Variants in LONRF3 observed in about 807,000 individuals in gnomAD.
LONRF3 encodes the protein LON peptidase N-terminal domain and ring finger 3.
A neutral mutation model predicts 51.7 loss-of-function variants in LONRF3; 19 were observed. That is an observed-to-expected ratio of 0.37 (90% confidence interval 0.26 to 0.54). The LOEUF (loss-of-function observed/expected upper bound fraction) is 0.54, where lower values mean the gene tolerates loss of function less well. Ranked by LOEUF, LONRF3 falls within the 20% of genes least tolerant of loss-of-function variation. The pLI is 0.86. For synonymous variants in LONRF3, 265 were observed against 257.8 expected (o/e 1.03, Z -0.27); for missense variants, 521 against 623.9 (o/e 0.84, Z 1.76).
chrX:119,006,398 CTTTTTTTTTTTT>C (rs1042593971), intron 6 of LONRF3, among the ~76,000 whole-genome samples, 163 bp downstream of exon 6: 3 of 86,742 alleles, frequency 3.5e-5, no homozygotes, highest in Admixed American at 1.3e-4. Context: ...CTCCTGTCTT[CTTTTTTTTTTTT>C]TTTTTTTTTG....
At chrX:119,010,519 T>A (rs919398325) in intron 7 of LONRF3, among the ~76,000 whole-genome samples, 4 of 111,056 alleles carry the variant, frequency 3.6e-5, no homozygotes, top group African/African-American at 1.3e-4. Context: ...TTGGAACTAC[T>A]CGGGGGATCT....
intron 5 of LONRF3, among the ~76,000 whole-genome samples, chrX:119,002,485 C>T (rs950873350): frequency 4.3e-4 from 48 of 111,870 alleles, no homozygotes; most frequent in African/African-American, 1.5e-3. Flanking sequence ...TATAATATCC[C>T]ATTATATGAA....
intron 1 of LONRF3, 59 bp downstream of exon 1, chrX:118,975,656 G>C (rs966559576): frequency 3.4e-6 from 3 of 871,760 alleles, no homozygotes; most frequent in Non-Finnish European, 3.0e-6. Context: ...GAGGGAGCGG[G>C]AGAACAAACC....
intron 9 of LONRF3, among the ~76,000 whole-genome samples, chrX:119,013,939 G>A (rs1402011111): frequency 1.8e-5 from 2 of 111,691 alleles, no homozygotes; most frequent in African/African-American, 6.5e-5. Context: ...CACTCAGGCC[G>A]GTTTGAATCT....
At chrX:118,984,372 C>T (rs1261984889) in intron 3 of LONRF3, among the ~76,000 whole-genome samples, 1 of 112,346 alleles carries the variant, frequency 8.9e-6, no homozygotes, top group Non-Finnish European at 1.9e-5. Context: ...TTTCCAGTTC[C>T]AGGATGAACA....
At chrX:119,001,483 C>A (rs1262284159) in intron 5 of LONRF3, among the ~76,000 whole-genome samples, 1 of 111,649 alleles carries the variant, frequency 9.0e-6, no homozygotes. Context: ...TCATAATTAC[C>A]ACCTCTTAAT....
rs371914349 is a variant in LONRF3 at position 119,017,529 on chromosome X, T to C, written c.2125-6T>C. 173 of 1,206,009 alleles carry C rather than the reference T, an allele frequency of 1.4e-4. No homozygotes were observed. The highest frequency in any genetic ancestry group is 1.8e-4 in the Non-Finnish European group (163 of 893,245). On this transcript the variant is annotated splice_region_variant and splice_polypyrimidine_tract_variant and intron_variant, in intron 10 of 10. Coordinates refer to ENST00000371628, the MANE Select transcript of LONRF3 (RefSeq NM_001031855.3). ...AGGATGACTCCATTGTGTTTCTCTG[T>C]TGCAGATGAACCCGAATGGCCCAGC...
chrX:119,007,459 T>G (rs936304932), intron 6 of LONRF3, among the ~76,000 whole-genome samples: 7 of 112,056 alleles, frequency 6.2e-5, no homozygotes, highest in Non-Finnish European at 1.1e-4. Flanking sequence ...CCACCTTTGT[T>G]TTTCAAGTGA....
intron 7 of LONRF3, among the ~76,000 whole-genome samples, chrX:119,011,175 G>A (rs1372769652): frequency 9.1e-6 from 1 of 110,257 alleles, no homozygotes; most frequent in Admixed American, 9.6e-5. Flanking sequence ...TAATGCATCA[G>A]TATCTCTGGT....
chrX:118,986,881 C>T, intron 3 of LONRF3: 1 of 1,123,050 alleles, frequency 8.9e-7, no homozygotes. Flanking sequence ...CACCTGGGCA[C>T]CTGTAGAAAC....
intron 5 of LONRF3, among the ~76,000 whole-genome samples, chrX:118,992,254 G>A (rs1356614623): frequency 2.7e-5 from 3 of 111,112 alleles, no homozygotes; most frequent in Non-Finnish European, 5.7e-5. Context: ...AAATACTCTG[G>A]GAGGCAAATA....
intron 1 of LONRF3, 79 bp from the exon 2 acceptor site, chrX:118,978,266 A>T: frequency 1.7e-6 from 1 of 596,592 alleles, no homozygotes; most frequent in Non-Finnish European, 2.8e-6. Context: ...CATTTGCTCA[A>T]GATCCATACT....
intron 1 of LONRF3, among the ~76,000 whole-genome samples, chrX:118,977,317 G>A (rs1461786120): frequency 9.0e-6 from 1 of 111,154 alleles, no homozygotes; most frequent in Non-Finnish European, 1.9e-5. Context: ...ATCCCCCAGG[G>A]GCCAGGAAAG....
rs1440178101 is a variant in LONRF3 at position 118,982,883 on chromosome X, G to A, written c.999G>A (p.Glu333=). 1 of 1,210,853 alleles carries A rather than the reference G, an allele frequency of 8.3e-7. No homozygotes were observed. The stretch of plus-strand genomic sequence containing the variant: ...GCAAGGTGGAGGAGGCACTAAGGGA[G>A]TTTCTCTACTGTGTATCCCTTGATG... The part of the protein sequence containing the change: ...TLGKVEEALR[E]FLYCVSLDGK... The change falls in exon 3 of 11, where the codon GAG becomes GAA. Residue 333 remains glutamate (E), a synonymous_variant. Coordinates refer to ENST00000371628, the MANE Select transcript of LONRF3 (RefSeq NM_001031855.3).
intron 3 of LONRF3, among the ~76,000 whole-genome samples, chrX:118,983,614 A>G (rs1227941179): frequency 8.9e-6 from 1 of 112,431 alleles, no homozygotes; most frequent in Non-Finnish European, 1.9e-5. Flanking sequence ...TCTTCAATTC[A>G]TGGACTTTGT....
chrX:118,986,246 T>C (rs895998111), intron 3 of LONRF3, among the ~76,000 whole-genome samples: 1 of 111,680 alleles, frequency 9.0e-6, no homozygotes, highest in African/African-American at 3.3e-5. Flanking sequence ...CGCCTAGTAC[T>C]TAAACTTAAC....
At chrX:118,987,640 C>A (rs1167461302) in intron 3 of LONRF3, among the ~76,000 whole-genome samples, 1 of 108,889 alleles carries the variant, frequency 9.2e-6, no homozygotes, top group Non-Finnish European at 1.9e-5. Context: ...TGGCTCACTG[C>A]CCCTGGGCCA....
chrX:118,992,730 A>G (rs1923518679), intron 5 of LONRF3, among the ~76,000 whole-genome samples: 1 of 111,559 alleles, frequency 9.0e-6, no homozygotes, highest in Admixed American at 9.5e-5. Flanking sequence ...AAAATAGAGC[A>G]TTAAACCACC....
Position 118,989,585 on chromosome X carries a change from A to T in LONRF3, c.1237A>T (p.Thr413Ser), listed in dbSNP as rs1413217925. 8.3e-7 allele frequency: 1 copy of T among 1,209,200 alleles called. No homozygotes were observed. The highest frequency in any genetic ancestry group is 1.8e-5 in the African/African-American group (1 of 57,052). Reference sequence around the variant, plus strand: ...CTCTCCAAAAGCTGCTTCCAGCAAGACTGGAAAATGCCAGGAAAAGAAAAG... The same window carrying T: ...CTCTCCAAAAGCTGCTTCCAGCAAGTCTGGAAAATGCCAGGAAAAGAAAAG... Reference protein sequence around the residue: ...ATSPKAASSKTGKCQEKKRKH... With the variant: ...ATSPKAASSKSGKCQEKKRKH... Residue 413 changes from threonine to serine, a missense_variant, in exon 4 of 11, where the codon ACT (threonine) becomes TCT (serine). Transcript: ENST00000371628.
Sources: allele counts gnomAD v4.1 joint callset (sites outside exome capture counted in the v4.1 genomes callset), GRCh38; gene constraint gnomAD v4.1.1; transcripts MANE v1.5; gene names NCBI Gene and HGNC (gene_info 2026-07-23, HGNC 2026-07-21).